Variants in MTMR8 observed in about 807,000 individuals in gnomAD.
The protein encoded by MTMR8 is myotubularin related protein 8, also known as phosphatidylinositol-3,5-bisphosphate 3-phosphatase MTMR8.
MTMR8 carries 65 observed loss-of-function variants against 39.3 expected under a neutral mutation model. The ratio of observed to expected loss-of-function variants is 1.65; its 90% CI spans 1.35 to 2.03. MTMR8 has a LOEUF of 2.03. Among genes scored for constraint, MTMR8 ranks in the 30% most tolerant of loss-of-function variants. The pLI, the probability that MTMR8 is intolerant of heterozygous loss-of-function variation, is 0.00. For missense variants in MTMR8, 777 were observed against 538.9 expected, an observed-to-expected ratio of 1.44 and a Z score of -4.37; for synonymous variants, 245 against 185.2, an observed-to-expected ratio of 1.32 and a Z score of -2.62.
intron 1 of MTMR8, among the ~76,000 whole-genome samples, chrX:64,363,758 T>C (rs751416540): frequency 6.9e-4 from 76 of 110,873 alleles, no homozygotes; most frequent in Non-Finnish European, 1.2e-3. Flanking sequence ...GTGCAGGCCA[T>C]GGAGGGCAAG....
intron 13 of MTMR8, among the ~76,000 whole-genome samples, chrX:64,270,512 A>G (rs1931736118): frequency 8.9e-6 from 1 of 112,611 alleles, no homozygotes; most frequent in South Asian, 3.7e-4. Flanking sequence ...TGGTCACTCA[A>G]TAAGCAGAGT....
intron 12 of MTMR8, among the ~76,000 whole-genome samples, chrX:64,307,937 T>C (rs1182437682): frequency 8.9e-6 from 1 of 112,237 alleles, no homozygotes. Context: ...TACGTATTTA[T>C]TTGAATGATT....
intron 12 of MTMR8, among the ~76,000 whole-genome samples, chrX:64,293,517 C>G (rs969125028): frequency 9.0e-6 from 1 of 111,382 alleles, no homozygotes; most frequent in Non-Finnish European, 1.9e-5. Context: ...GGTTAGATTA[C>G]AATCTGCAGC....
chrX:64,337,511 A>T (rs1923110549), intron 8 of MTMR8, 118 bp from the exon 9 acceptor site: 1 of 765,044 alleles, frequency 1.3e-6, no homozygotes, highest in Non-Finnish European at 1.9e-6. Context: ...GGCTACATTA[A>T]TTTTTTCTCA....
chrX:64,336,018 G>T, intron 10 of MTMR8, 61 bp downstream of exon 10: 1 of 879,564 alleles, frequency 1.1e-6, no homozygotes, highest in Non-Finnish European at 1.6e-6. Flanking sequence ...CTGAGGTTTT[G>T]ATATACTTCA....
intron 12 of MTMR8, among the ~76,000 whole-genome samples, chrX:64,280,422 A>G (rs1194132485): frequency 8.9e-6 from 1 of 112,313 alleles, no homozygotes; most frequent in Non-Finnish European, 1.9e-5. Context: ...ATAATTCATC[A>G]CATAAACAGA....
At chrX:64,280,618 T>G (rs878906700) in intron 12 of MTMR8, among the ~76,000 whole-genome samples, 1 of 111,572 alleles carries the variant, frequency 9.0e-6, no homozygotes, top group Non-Finnish European at 1.9e-5. Flanking sequence ...GCTGGAAGCA[T>G]TCCCTTTGAA....
At chrX:64,280,726 G>C (rs761107592) in intron 12 of MTMR8, among the ~76,000 whole-genome samples, 6 of 111,197 alleles carry the variant, frequency 5.4e-5, no homozygotes, top group South Asian at 3.8e-4. Context: ...TGAAATAAAG[G>C]GTATTCAAAT....
intron 12 of MTMR8, among the ~76,000 whole-genome samples, chrX:64,324,748 T>C (rs1445283594): frequency 1.0e-5 from 1 of 98,007 alleles, no homozygotes; most frequent in East Asian, 3.2e-4. Context: ...CTATCTCCCT[T>C]CGCTGACTCT....
rs747563183 is a variant in MTMR8 at position 64,380,597 on chromosome X, A to AT, written c.24+14742dup. ...TGGAAAAATCCATTGATCTGGAATT[A>AT]TTTTTTCATATTATACTTTAAGTTT... On this transcript the variant is annotated intron_variant, in intron 1 of 13. Transcript: ENST00000374852. Among the ~76,000 whole-genome samples the AT allele has an allele frequency of 7.1e-4, 80 of 112,483 alleles. 1 individual carries two copies. Among genetic ancestry groups the AT allele is most frequent in the Non-Finnish European group, 1.4e-3 (73 of 53,251 alleles).
rs190565532 is a variant in MTMR8, at chrX:64,385,227, T to C, written c.24+10113A>G. Among the ~76,000 whole-genome samples the C allele has an allele frequency of 4.2e-4, 47 of 112,396 alleles. 1 individual carries two copies. Among genetic ancestry groups the C allele is most frequent in the African/African-American group, 1.5e-3 (45 of 30,921 alleles). ...ATGTGACTATTGCTCTAGTTCCCAG[T>C]AAGTTCTTTGTTTCCACCTGAGACC... On this transcript the variant is annotated intron_variant, in intron 1 of 13. Coordinates refer to ENST00000374852, the MANE Select transcript of MTMR8 (RefSeq NM_017677.4).
chrX:64,367,783 T>C (rs1244978576), intron 1 of MTMR8, among the ~76,000 whole-genome samples: 1 of 111,198 alleles, frequency 9.0e-6, no homozygotes, highest in Non-Finnish European at 1.9e-5. Context: ...GAGAAAGAAA[T>C]AAAGGGTATT....
At chrX:64,299,234 T>C (rs1284824533) in intron 12 of MTMR8, among the ~76,000 whole-genome samples, 2 of 79,178 alleles carry the variant, frequency 2.5e-5, no homozygotes, top group African/African-American at 5.2e-5. Flanking sequence ...TGGTAAACTA[T>C]TGATTATTGC....
chrX:64,294,269 G>T (rs995262529), intron 12 of MTMR8, among the ~76,000 whole-genome samples: 1 of 111,619 alleles, frequency 9.0e-6, no homozygotes, highest in African/African-American at 3.3e-5. Context: ...TTATAGACTT[G>T]CCTAACATGC....
At chrX:64,294,388 T>C (rs1298128724) in intron 12 of MTMR8, among the ~76,000 whole-genome samples, 1 of 111,610 alleles carries the variant, frequency 9.0e-6, no homozygotes, top group Non-Finnish European at 1.9e-5. Context: ...AATAGCCCTG[T>C]GATCGAACTT....
intron 12 of MTMR8, among the ~76,000 whole-genome samples, chrX:64,318,585 G>A (rs1922537764): frequency 9.0e-6 from 1 of 111,119 alleles, no homozygotes. Flanking sequence ...AATTTTTCAT[G>A]ATGGGTTAAT....
intron 1 of MTMR8, among the ~76,000 whole-genome samples, chrX:64,386,096 CA>C (rs1170441790): frequency 4.5e-4 from 46 of 101,265 alleles, no homozygotes; most frequent in South Asian, 8.5e-4. Flanking sequence ...TTCACCCTGA[CA>C]AAAAAAAAAA....
chrX:64,316,915 A>G (rs1447860959), intron 12 of MTMR8, among the ~76,000 whole-genome samples: 5 of 109,234 alleles, frequency 4.6e-5, no homozygotes, highest in African/African-American at 1.7e-4. Flanking sequence ...GTTCGAGACC[A>G]GCCTGGCCAA....
intron 1 of MTMR8, among the ~76,000 whole-genome samples, chrX:64,367,452 A>G (rs1438334310): frequency 1.8e-5 from 2 of 112,182 alleles, no homozygotes; most frequent in African/African-American, 6.5e-5. Context: ...AGGCTGGTTC[A>G]ACATATGCAA....
Sources: allele counts gnomAD v4.1 joint callset (sites outside exome capture counted in the v4.1 genomes callset), GRCh38; gene constraint gnomAD v4.1.1; transcripts MANE v1.5; gene names NCBI Gene and HGNC (gene_info 2026-07-23, HGNC 2026-07-21).